The following API5 variants were observed in gnomAD, a reference collection of about 807,000 sequenced individuals.
The protein encoded by API5 is apoptosis inhibitor 5, also known as FIF.
Under a neutral mutation model 71.9 loss-of-function variants are expected in API5, and 6 were observed. That is an observed-to-expected ratio of 0.08 (90% confidence interval 0.05 to 0.16). The LOEUF (loss-of-function observed/expected upper bound fraction) is 0.16. API5 is among the 10% of genes least tolerant of loss of function. The pLI is 1.00. For missense variants in API5, 332 were observed against 612.8 expected, an observed-to-expected ratio of 0.54 and a Z score of 4.84; for synonymous variants, 189 against 221.3, an observed-to-expected ratio of 0.85 and a Z score of 1.30.
intron 1 of API5, 30 bp from the exon 2 acceptor site, chr11:43,318,610 G>C: frequency 6.2e-7 from 1 of 1,607,008 alleles, no homozygotes; most frequent in Non-Finnish European, 8.5e-7. Flanking sequence ...TCAAAATCAT[G>C]TGTCTTTCCT....
intron 13 of API5, among the ~76,000 whole-genome samples, chr11:43,340,065 C>T (rs1391615858): frequency 6.7e-6 from 1 of 149,868 alleles, no homozygotes; most frequent in Non-Finnish European, 1.5e-5. Flanking sequence ...TACCAAAAAA[C>T]TCATAGAACT....
Position 43,329,983 on chromosome 11 carries a change from G to A in API5, c.1146G>A (p.Arg382=), listed in dbSNP as rs1855199968. 1 of 1,613,606 alleles carries A rather than the reference G, an allele frequency of 6.2e-7. No individual in the cohort carries two copies. The stretch of plus-strand genomic sequence containing the variant: ...CATTTAGGCTGCAGTACTTTGCACG[G>A]GGCCTGCAAGTTTATATCAGACAAC... The part of the protein sequence containing the change: ...DFKIRLQYFA[R]GLQVYIRQLR... The change falls in exon 10 of 14, where the codon CGG becomes CGA. Residue 382 remains arginine, a synonymous_variant. Transcript: ENST00000531273.
At position 43,322,012 on chromosome 11, in the gene API5, T is replaced by C. The variant is rs1854908654; in HGVS notation, c.419T>C (p.Ile140Thr). ...ACTTTAGGTGGGTTGTTCAGCCAAA[T>C]ACTTCAAGGAGAGGACATTGTTAGA... ...KGTLGGLFSQ[I>T]LQGEDIVRER... is the part of the protein sequence containing the mutation. The change falls in exon 5 of 14, where the codon ATA becomes ACA. Residue 140 changes from isoleucine to threonine, a missense_variant. Transcript: ENST00000531273. 1 of 1,612,764 alleles carries C rather than the reference T, an allele frequency of 6.2e-7. No individual in the cohort carries two copies. Among genetic ancestry groups the C allele is most frequent in the South Asian group, 1.1e-5 (1 of 90,836 alleles).
chr11:43,326,420 G>A (rs907306954), intron 6 of API5, 87 bp from the exon 7 acceptor site: 21 of 844,276 alleles, frequency 2.5e-5, no homozygotes, highest in Non-Finnish European at 3.9e-5. Flanking sequence ...ATGCTGTAGC[G>A]CTCAGCATTT....
intron 13 of API5, chr11:43,336,244 C>G (rs1590270487): frequency 6.7e-6 from 3 of 449,726 alleles, no homozygotes; most frequent in African/African-American, 2.0e-5. Context: ...CTCTTGTATT[C>G]AGAGGAACCA....
chr11:43,340,583 A>G (rs1229162533), intron 13 of API5, among the ~76,000 whole-genome samples: 1 of 152,200 alleles, frequency 6.6e-6, no homozygotes, highest in Admixed American at 6.5e-5. Context: ...ATAAAAATAG[A>G]TACAGAGCAA....
intron 1 of API5, among the ~76,000 whole-genome samples, chr11:43,313,712 T>A (rs923318502): frequency 9.2e-5 from 14 of 152,184 alleles, no homozygotes; most frequent in African/African-American, 3.4e-4. Context: ...CTTTTATCAG[T>A]AAGAAATGTA....
In API5 at chr11:43,312,152, C is replaced by G; in HGVS notation, c.25C>G (p.Arg9Gly). MPTVEELY[R>G]NYGILADATE... is the part of the protein sequence containing the mutation. Reference sequence around the variant, plus strand: ...CATGCCGACAGTAGAGGAGCTTTACCGCAATTATGGCATCCTGGCCGATGC... The same window carrying G: ...CATGCCGACAGTAGAGGAGCTTTACGGCAATTATGGCATCCTGGCCGATGC... The change falls in exon 1 of 14, where the codon CGC becomes GGC. Residue 9 changes from arginine (R) to glycine (G), a missense_variant. Around this residue, in one of 3 missense-constraint regions of API5, gnomAD observed 127 missense variants for 237.6 expected, o/e 0.53. Coordinates refer to ENST00000531273, the MANE Select transcript of API5 (RefSeq NM_001142930.2). 1.2e-6 allele frequency: 2 copies of G among 1,613,938 alleles called. No individual in the cohort carries two copies. Among genetic ancestry groups the G allele is most frequent in the Non-Finnish European group, 1.7e-6 (2 of 1,179,936 alleles).
chr11:43,319,402 C>A (rs934760067), intron 2 of API5, among the ~76,000 whole-genome samples: 2 of 152,146 alleles, frequency 1.3e-5, no homozygotes, highest in African/African-American at 4.8e-5. Flanking sequence ...ACATTTCATG[C>A]AGAATTTGCT....
At chr11:43,334,894 T>C (rs1169033454) in intron 11 of API5, among the ~76,000 whole-genome samples, 1 of 152,172 alleles carries the variant, frequency 6.6e-6, no homozygotes, top group Non-Finnish European at 1.5e-5. Context: ...CACTTAAAAA[T>C]TTGCAAAAGC....
At chr11:43,318,556 A>G (rs761715433) in intron 1 of API5, 84 bp from the exon 2 acceptor site, 7 of 1,583,056 alleles carry the variant, frequency 4.4e-6, no homozygotes, top group Non-Finnish European at 5.1e-6. Flanking sequence ...TTTAAAGCAC[A>G]CTCTAACATG....
chr11:43,317,200 A>G (rs1405321534), intron 1 of API5, among the ~76,000 whole-genome samples: 2 of 152,270 alleles, frequency 1.3e-5, no homozygotes, highest in East Asian at 3.9e-4. Context: ...TTTTCCAGTT[A>G]CTAAGTTTTA....
chr11:43,313,279 T>C (rs987035637), intron 1 of API5, among the ~76,000 whole-genome samples: 1 of 152,138 alleles, frequency 6.6e-6, no homozygotes. Flanking sequence ...CTCAGCAGTG[T>C]TGAATTATCC....
At chr11:43,335,072 A>G (rs1232095792) in intron 11 of API5, among the ~76,000 whole-genome samples, 1 of 152,202 alleles carries the variant, frequency 6.6e-6, no homozygotes, top group Non-Finnish European at 1.5e-5. Flanking sequence ...AATTAGCTAC[A>G]CTACAGTTTG....
intron 8 of API5, 105 bp from the exon 9 acceptor site, chr11:43,328,607 T>C: frequency 9.6e-7 from 1 of 1,042,690 alleles, no homozygotes; most frequent in Non-Finnish European, 1.4e-6. Flanking sequence ...TTGGTAGTTT[T>C]TAATGCTCCA....
Position 43,327,809 on chromosome 11 carries a change from G to A in API5, c.876G>A (p.Glu292=). 1.2e-6 allele frequency: 2 copies of A among 1,612,054 alleles called. No homozygotes were observed. The highest frequency in any genetic ancestry group is 2.2e-5 in the South Asian group (2 of 90,716). ...TTTAGGTATTGAAATTGTTGGCGGA[G>A]ATGAGTTCATTTTGTGGTGACATGG... ...IQLEVLKLLA[E]MSSFCGDMEK... Residue 292 remains glutamate, a synonymous_variant, in exon 8 of 14, where the codon GAG becomes GAA. Transcript: ENST00000531273.
At chr11:43,338,707 G>C (rs561047175) in intron 13 of API5, among the ~76,000 whole-genome samples, 1 of 141,088 alleles carries the variant, frequency 7.1e-6, no homozygotes, top group Non-Finnish European at 1.5e-5. Context: ...ACGTCAAATA[G>C]TACCTTCATA....
intron 13 of API5, among the ~76,000 whole-genome samples, chr11:43,339,608 T>C (rs1590275111): frequency 1.3e-5 from 2 of 152,318 alleles, no homozygotes; most frequent in African/African-American, 4.8e-5. Context: ...GCAAAAGATA[T>C]GCTTAGTTTA....
chr11:43,312,261 G>C, intron 1 of API5, 65 bp downstream of exon 1: 1 of 1,542,254 alleles, frequency 6.5e-7, no homozygotes, highest in Non-Finnish European at 8.9e-7. Context: ...AGCGCTTCCC[G>C]CCGCACTCCC....
Sources: gnomAD v4.1 joint callset for allele counts (sites outside exome capture counted in the v4.1 genomes callset) on GRCh38, gnomAD v4.1.1 for gene constraint, gnomAD v4.1.1 regional missense constraint, MANE v1.5 for transcripts, NCBI Gene and HGNC (gene_info 2026-07-23, HGNC 2026-07-21) for gene names.